The following MAML3 variants were observed in gnomAD, a reference collection of about 807,000 sequenced individuals.
The protein encoded by MAML3 is mastermind-like protein 3.
Under a neutral mutation model 101.9 loss-of-function variants are expected in MAML3, and 27 were observed. That is an observed-to-expected ratio of 0.27 (90% CI 0.20 to 0.37). The LOEUF is 0.37. MAML3 is among the 10% of genes least tolerant of loss of function. The pLI is 1.00. For missense variants in MAML3, 1,316 were observed against 1,444.9 expected (o/e 0.91, Z 1.45); for synonymous variants, 501 against 555.9 (o/e 0.90, Z 1.39).
rs551884473 is a variant in MAML3 at position 140,069,853 on chromosome 4, C to T, written c.468+83007G>A. On this transcript the variant is annotated intron_variant, in intron 1 of 4. Coordinates refer to ENST00000509479, the MANE Select transcript of MAML3 (RefSeq NM_018717.5). ...AATCTAGGCTGGGCATGGTGGCTCA[C>T]GCCTGTAATCCCAGCGCTTTGGGAG... is the stretch of plus-strand genomic sequence containing the variant. 4.0e-5 allele frequency among the ~76,000 whole-genome samples: 6 copies of T among 151,788 alleles called. 1 individual carries two copies. The highest frequency in any genetic ancestry group is 9.7e-5 in the African/African-American group (4 of 41,418).
intron 1 of MAML3, among the ~76,000 whole-genome samples, chr4:140,109,458 G>A (rs560977496): frequency 4.6e-5 from 7 of 152,216 alleles, no homozygotes; most frequent in African/African-American, 1.4e-4. Context: ...TAGACCACAC[G>A]GTGTCTCCTT....
At chr4:139,863,703 G>A (rs1473022214) in intron 2 of MAML3, among the ~76,000 whole-genome samples, 1 of 152,148 alleles carries the variant, frequency 6.6e-6, no homozygotes, top group African/African-American at 2.4e-5. Flanking sequence ...GAAGATGAAA[G>A]TGGTGATTGC....
intron 4 of MAML3, among the ~76,000 whole-genome samples, chr4:139,721,791 T>C (rs915755479): frequency 2.0e-5 from 3 of 152,226 alleles, no homozygotes; most frequent in African/African-American, 7.2e-5. Context: ...TCATTATATC[T>C]AAGTGATTTT....
intron 1 of MAML3, among the ~76,000 whole-genome samples, chr4:140,066,640 A>G (rs565294257): frequency 6.6e-6 from 1 of 152,308 alleles, no homozygotes; most frequent in African/African-American, 2.4e-5. Context: ...CAGGAAAAAA[A>G]ATCGTATTGC....
At chr4:140,127,104 C>T (rs545444335) in intron 1 of MAML3, among the ~76,000 whole-genome samples, 2 of 152,340 alleles carry the variant, frequency 1.3e-5, no homozygotes, top group East Asian at 3.9e-4. Flanking sequence ...TGTCATAGGG[C>T]TTATGCTTCT....
intron 1 of MAML3, among the ~76,000 whole-genome samples, chr4:139,923,206 C>A (rs1733158321): frequency 6.6e-6 from 1 of 152,104 alleles, no homozygotes; most frequent in African/African-American, 2.4e-5. Context: ...AACTCCAGCT[C>A]CCCACACCCC....
intron 1 of MAML3, among the ~76,000 whole-genome samples, chr4:140,151,118 GA>G (rs1729156900): frequency 6.6e-6 from 1 of 152,016 alleles, no homozygotes; most frequent in South Asian, 2.1e-4. Context: ...CCGCGAGGCG[GA>G]CAAAGCGCCT....
At chr4:139,732,683 GT>G (rs1333923638) in intron 2 of MAML3, among the ~76,000 whole-genome samples, 1 of 151,548 alleles carries the variant, frequency 6.6e-6, no homozygotes, top group East Asian at 1.9e-4. Flanking sequence ...GTGGTATTTG[GT>G]TACATGAGTA....
intron 2 of MAML3, among the ~76,000 whole-genome samples, chr4:139,872,731 T>A (rs1047217915): frequency 2.6e-5 from 4 of 151,816 alleles, no homozygotes; most frequent in Non-Finnish European, 5.9e-5. Flanking sequence ...GAAAGAATTC[T>A]TAAGGCAGAA....
At chr4:139,786,922 G>A (rs372754729) in intron 2 of MAML3, among the ~76,000 whole-genome samples, 2 of 152,210 alleles carry the variant, frequency 1.3e-5, no homozygotes, top group Admixed American at 1.3e-4. Context: ...TCCACCCGGG[G>A]ACATCCCTTG....
intron 1 of MAML3, among the ~76,000 whole-genome samples, chr4:140,140,996 G>T (rs1175965997): frequency 6.6e-6 from 1 of 152,168 alleles, no homozygotes; most frequent in Non-Finnish European, 1.5e-5. Context: ...GATGAGAACT[G>T]CTCTTTGCCA....
At chr4:139,746,677 C>A (rs1729333939) in intron 2 of MAML3, among the ~76,000 whole-genome samples, 1 of 152,208 alleles carries the variant, frequency 6.6e-6, no homozygotes, top group African/African-American at 2.4e-5. Context: ...ACGTTTGACA[C>A]TGGACCTCCG....
intron 1 of MAML3, among the ~76,000 whole-genome samples, chr4:139,995,822 C>G (rs1344511891): frequency 1.3e-5 from 2 of 151,218 alleles, no homozygotes; most frequent in African/African-American, 2.4e-5. Context: ...TTTATTGTTT[C>G]CTTCTGCTTG....
chr4:140,129,386 CT>C (rs889864511), intron 1 of MAML3, among the ~76,000 whole-genome samples: 18 of 152,196 alleles, frequency 1.2e-4, no homozygotes, highest in Non-Finnish European at 5.9e-5. Context: ...TAAATCCCCC[CT>C]ACCCCCAATT....
At chr4:139,964,858 C>T (rs1354001146) in intron 1 of MAML3, among the ~76,000 whole-genome samples, 1 of 152,036 alleles carries the variant, frequency 6.6e-6, no homozygotes, top group Non-Finnish European at 1.5e-5. Context: ...AACCAGCTCT[C>T]CAGGAAAAGT....
At chr4:140,141,345 T>A (rs1728977668) in intron 1 of MAML3, among the ~76,000 whole-genome samples, 1 of 152,188 alleles carries the variant, frequency 6.6e-6, no homozygotes, top group South Asian at 2.1e-4. Context: ...TTTTCTACAG[T>A]TGGCCAGGTC....
intron 1 of MAML3, among the ~76,000 whole-genome samples, chr4:139,944,137 T>C (rs967788076): frequency 6.6e-6 from 1 of 152,126 alleles, no homozygotes; most frequent in Non-Finnish European, 1.5e-5. Context: ...CCCAAAGTGC[T>C]GGGATTATAG....
chr4:140,026,018 C>A (rs889714400), intron 1 of MAML3, among the ~76,000 whole-genome samples: 2 of 152,136 alleles, frequency 1.3e-5, no homozygotes, highest in African/African-American at 4.8e-5. Flanking sequence ...TTGGGTTATA[C>A]CTAACAGCCA....
At chr4:140,123,699 A>T (rs1178517748) in intron 1 of MAML3, among the ~76,000 whole-genome samples, 2 of 152,224 alleles carry the variant, frequency 1.3e-5, no homozygotes, top group Non-Finnish European at 2.9e-5. Context: ...ACATTTAAGG[A>T]GCAAAAGTTT....
Sources: gnomAD v4.1 joint callset for allele counts (sites outside exome capture counted in the v4.1 genomes callset) on GRCh38, gnomAD v4.1.1 for gene constraint, MANE v1.5 for transcripts, NCBI Gene and HGNC (gene_info 2026-07-23, HGNC 2026-07-21) for gene names.